The following LEMD1 variants were observed in gnomAD, a reference collection of about 807,000 sequenced individuals.
The protein encoded by LEMD1 is LEM domain containing 1, also known as LEM domain-containing protein 1.
In LEMD1, 18 loss-of-function variants were observed where a neutral mutation model predicts 17.4. That is an observed-to-expected ratio of 1.04 (90% CI 0.72 to 1.54). The LOEUF (loss-of-function observed/expected upper bound fraction) is 1.54. LEMD1 is among the 40% of genes most tolerant of loss of function. LEMD1 has a pLI of 0.00. For synonymous variants in LEMD1, 88 were observed against 77.8 expected, an observed-to-expected ratio of 1.13 and a Z score of -0.69; for missense variants, 195 against 210.4, an observed-to-expected ratio of 0.93 and a Z score of 0.45.
intron 4 of LEMD1, among the ~76,000 whole-genome samples, chr1:205,398,027 A>G (rs562484115): frequency 3.3e-5 from 5 of 152,344 alleles, no homozygotes; most frequent in East Asian, 3.8e-4. Context: ...AGAAATCAAC[A>G]TTTCATCAAT....
intron 4 of LEMD1, among the ~76,000 whole-genome samples, chr1:205,399,757 T>C (rs1331005444): frequency 1.3e-5 from 2 of 152,158 alleles, no homozygotes; most frequent in Non-Finnish European, 2.9e-5. Flanking sequence ...ATACAACCCA[T>C]TGGATGAAAA....
At position 205,398,842 on chromosome 1, in the gene LEMD1, C is replaced by T. The variant is rs564545183; in HGVS notation, c.271-14478G>A. Among the ~76,000 whole-genome samples the T allele has an allele frequency of 3.9e-5, 6 of 152,256 alleles. No individual in the cohort carries two copies. In the South Asian group the frequency reaches 8.3e-4, roughly 21 times the overall value. On this transcript the variant is annotated intron_variant, in intron 4 of 5. Coordinates refer to ENST00000367153, the MANE Select transcript of LEMD1 (RefSeq NM_001199050.2). The stretch of plus-strand genomic sequence containing the variant: ...GCTGCAAGGGGGTGTTGGTATGTTC[C>T]GTGGTCACGGACATAGTTACGGGTG...
At chr1:205,425,872 C>G (rs1280194184), upstream of LEMD1, among the ~76,000 whole-genome samples, 1 of 152,016 alleles carries the variant, frequency 6.6e-6, no homozygotes, top group African/African-American at 2.4e-5. Flanking sequence ...TTCAATAATC[C>G]AAATTAGTAA....
chr1:205,383,784 C>A lies in LEMD1; in HGVS notation c.347+504G>T, dbSNP rs1233233795. 2.0e-5 allele frequency among the ~76,000 whole-genome samples: 3 copies of A among 151,922 alleles called. No homozygotes were observed. The East Asian group carries it at 5.8e-4, about 30-fold the overall frequency. On this transcript the variant is annotated intron_variant, in intron 5 of 5. Transcript: ENST00000367153. ...GAGTAGCTGGGATTACAGGCGCATG[C>A]CACCACGTCTGGCTAATTTTTTTGT... is the stretch of plus-strand genomic sequence containing the variant.
intron 4 of LEMD1, among the ~76,000 whole-genome samples, chr1:205,410,023 A>T (rs971326201): frequency 4.6e-5 from 7 of 151,910 alleles, no homozygotes; most frequent in Non-Finnish European, 1.0e-4. Flanking sequence ...TGATCTACCC[A>T]CCTCGGCCTC....
At chr1:205,439,012 A>C (rs1666252057) in intron 1 of LEMD1, among the ~76,000 whole-genome samples, 1 of 152,146 alleles carries the variant, frequency 6.6e-6, no homozygotes, top group Admixed American at 6.5e-5. Flanking sequence ...AATATCTCTG[A>C]GTCTCCGGGG....
rs982114735 is a variant in LEMD1, at chr1:205,416,218, A to G, written c.270+14T>C. On this transcript the variant is annotated intron_variant, in intron 4 of 5. Coordinates refer to ENST00000367153, the MANE Select transcript of LEMD1 (RefSeq NM_001199050.2). The stretch of plus-strand genomic sequence containing the variant: ...ATATGGGTATAAGTATTCAGGCATT[A>G]GAATGGTACATACTTTTTTGAGTTT... 2.0e-6 allele frequency: 3 copies of G among 1,502,716 alleles called. No homozygotes were observed. Among genetic ancestry groups the G allele is most frequent in the Non-Finnish European group, 2.7e-6 (3 of 1,104,342 alleles). The allele number at this position is 1,502,716 out of a possible 1,614,324, so 93.1% of individuals were successfully genotyped here.
chr1:205,407,011 C>G (rs1574973129), intron 4 of LEMD1, among the ~76,000 whole-genome samples: 1 of 152,116 alleles, frequency 6.6e-6, no homozygotes, highest in Non-Finnish European at 1.5e-5. Flanking sequence ...GTCTGGTCGT[C>G]AGAAAGGCCA....
intron 4 of LEMD1, among the ~76,000 whole-genome samples, chr1:205,410,611 A>G (rs1383226537): frequency 6.6e-6 from 1 of 152,204 alleles, no homozygotes; most frequent in African/African-American, 2.4e-5. Context: ...AATGCCTGGC[A>G]TGGAATTCAA....
intron 4 of LEMD1, among the ~76,000 whole-genome samples, chr1:205,403,834 C>T (rs1003794786): frequency 6.6e-6 from 1 of 151,824 alleles, no homozygotes; most frequent in Non-Finnish European, 1.5e-5. Context: ...CTCTTGTGGG[C>T]ATTTAGTGCT....
At chr1:205,432,049 C>T (rs996538636) in intron 1 of LEMD1, among the ~76,000 whole-genome samples, 1 of 152,180 alleles carries the variant, frequency 6.6e-6, no homozygotes, top group African/African-American at 2.4e-5. Context: ...GCCTGCAGTC[C>T]CTTCCCAATC....
intron 1 of LEMD1, among the ~76,000 whole-genome samples, chr1:205,427,901 G>A (rs921441852): frequency 3.9e-5 from 6 of 152,178 alleles, no homozygotes; most frequent in Non-Finnish European, 7.3e-5. Context: ...TTCCATACTC[G>A]TGAAATGGAA....
At chr1:205,386,917 T>C (rs558918793) in intron 4 of LEMD1, 15 of 152,334 alleles carry the variant, frequency 9.8e-5, no homozygotes, top group African/African-American at 3.4e-4. Flanking sequence ...TTTTTACTTA[T>C]GGAAAATTTT....
At chr1:205,392,990 T>A (rs76755100) in intron 4 of LEMD1, among the ~76,000 whole-genome samples, 2,757 of 152,198 alleles carry the variant, frequency 0.018, 76 homozygotes, top group African/African-American at 0.062. Flanking sequence ...ATGCTAATAG[T>A]CCCAGCTATT....
rs1323552693 is a variant in LEMD1, at chr1:205,413,319, G to T, written c.270+2913C>A. 4.0e-5 allele frequency among the ~76,000 whole-genome samples: 6 copies of T among 151,828 alleles called. No individual in the cohort carries two copies. In the East Asian group the frequency reaches 9.7e-4, roughly 24 times the overall value. On this transcript the variant is annotated intron_variant, in intron 4 of 5. Coordinates refer to ENST00000367153, the MANE Select transcript of LEMD1 (RefSeq NM_001199050.2). ...TATTATTTTTTTGAGACAGGGTCTC[G>T]CTCTGTCACCCAGGCTAGAGTGCAG...
At chr1:205,416,458 A>G (rs1246462049) in intron 3 of LEMD1, among the ~76,000 whole-genome samples, 162 bp from the exon 4 acceptor site, 6 of 152,176 alleles carry the variant, frequency 3.9e-5, no homozygotes, top group African/African-American at 1.4e-4. Context: ...ATTTCTCCTG[A>G]GCTGGAGCAG....
chr1:205,436,724 G>A (rs1177449820), intron 1 of LEMD1: 1 of 152,168 alleles, frequency 6.6e-6, no homozygotes, highest in Non-Finnish European at 1.5e-5. Flanking sequence ...TCACCTGCTG[G>A]ACATAGCAGC....
intron 1 of LEMD1, among the ~76,000 whole-genome samples, chr1:205,447,339 G>C (rs1274536204): frequency 6.6e-6 from 1 of 152,204 alleles, no homozygotes; most frequent in Non-Finnish European, 1.5e-5. Flanking sequence ...TACATAGTAG[G>C]TACCCAGTAA....
chr1:205,418,121 C>T (rs1403370538), intron 3 of LEMD1, among the ~76,000 whole-genome samples: 2 of 152,118 alleles, frequency 1.3e-5, no homozygotes, highest in African/African-American at 4.8e-5. Context: ...TGATGCTGGG[C>T]CAGTCACTTG....
Sources: gnomAD v4.1 joint callset for allele counts (sites outside exome capture counted in the v4.1 genomes callset) on GRCh38, gnomAD v4.1.1 for gene constraint, MANE v1.5 for transcripts, NCBI Gene and HGNC (gene_info 2026-07-23, HGNC 2026-07-21) for gene names.